Variants in ZC3H13 observed in about 807,000 individuals in gnomAD.
ZC3H13 encodes zinc finger CCCH domain-containing protein 13.
Under a neutral mutation model 204.1 loss-of-function variants are expected in ZC3H13, and 64 were observed. The ratio of observed to expected loss-of-function variants is 0.31; its 90% CI spans 0.26 to 0.39. The LOEUF (loss-of-function observed/expected upper bound fraction) is 0.39, where lower values mean the gene tolerates loss of function less well. Ranked by LOEUF, ZC3H13 falls within the 10% of genes least tolerant of loss-of-function variation. ZC3H13 has a pLI of 1.00. For missense variants in ZC3H13, 1,833 were observed against 2,082.7 expected (o/e 0.88, Z 2.33); for synonymous variants, 667 against 693.7 (o/e 0.96, Z 0.60).
At chr13:45,972,019 A>G (rs1297631827) in intron 12 of ZC3H13, among the ~76,000 whole-genome samples, 3 of 152,132 alleles carry the variant, frequency 2.0e-5, no homozygotes, top group South Asian at 2.1e-4. Flanking sequence ...TAGCATAGAC[A>G]TGGTGAAAAG....
intron 18 of ZC3H13, among the ~76,000 whole-genome samples, chr13:45,957,768 G>A (rs149094260): frequency 2.1e-3 from 323 of 152,212 alleles, no homozygotes; most frequent in African/African-American, 7.4e-3. Flanking sequence ...TTTTCCTTCT[G>A]TAAGCCAAAC....
intron 4 of ZC3H13, among the ~76,000 whole-genome samples, chr13:46,025,411 A>G (rs527256037): frequency 5.5e-4 from 84 of 152,212 alleles, no homozygotes; most frequent in African/African-American, 2.0e-3. Context: ...GGCTCAAGCA[A>G]TCCTCCTGCC....
intron 1 of ZC3H13, among the ~76,000 whole-genome samples, chr13:46,048,603 A>AC (rs2044171255): frequency 6.6e-6 from 1 of 151,072 alleles, no homozygotes; most frequent in Non-Finnish European, 1.5e-5. Context: ...AAAAAAAAAA[A>AC]AACTTTGAAG....
At chr13:45,961,953 A>G (rs1161902147) in intron 17 of ZC3H13, among the ~76,000 whole-genome samples, 1 of 152,230 alleles carries the variant, frequency 6.6e-6, no homozygotes, top group East Asian at 1.9e-4. Context: ...TTTCAATTTC[A>G]GTACACTTAT....
chr13:45,994,374 T>C (rs1309326893), intron 8 of ZC3H13, among the ~76,000 whole-genome samples: 1 of 152,238 alleles, frequency 6.6e-6, no homozygotes, highest in Non-Finnish European at 1.5e-5. Context: ...TACCCCTTCA[T>C]TGTTCAAGGG....
At chr13:45,962,738 T>G in intron 17 of ZC3H13, 1 of 985,082 alleles carries the variant, frequency 1.0e-6, no homozygotes, top group Non-Finnish European at 1.2e-6. Context: ...GTGAAAAATT[T>G]AATACTAACT....
chr13:45,961,153 T>C (rs1951653585), intron 17 of ZC3H13, among the ~76,000 whole-genome samples: 1 of 152,172 alleles, frequency 6.6e-6, no homozygotes, highest in African/African-American at 2.4e-5. Context: ...ATGATTCAGA[T>C]ATACCAATGT....
At chr13:45,963,591 TA>T in intron 17 of ZC3H13, 1 of 1,251,936 alleles carries the variant, frequency 8.0e-7, no homozygotes, top group Non-Finnish European at 1.0e-6. Flanking sequence ...CCTGGCCTGT[TA>T]ATAAGTAATT....
chr13:46,035,624 C>T (rs1262497917), intron 4 of ZC3H13, among the ~76,000 whole-genome samples: 1 of 152,216 alleles, frequency 6.6e-6, no homozygotes, highest in East Asian at 1.9e-4. Flanking sequence ...AAACAACACT[C>T]ATTTGATCTA....
intron 4 of ZC3H13, among the ~76,000 whole-genome samples, chr13:46,039,382 G>A (rs189506589): frequency 6.6e-6 from 1 of 152,138 alleles, no homozygotes; most frequent in African/African-American, 2.4e-5. Context: ...AAAAAGCTAA[G>A]TGCCATTTCA....
At chr13:46,014,633 G>C (rs1163787065) in intron 5 of ZC3H13, among the ~76,000 whole-genome samples, 1 of 152,038 alleles carries the variant, frequency 6.6e-6, no homozygotes, top group Non-Finnish European at 1.5e-5. Context: ...ACTTGTTTTT[G>C]AATTCCATTC....
At chr13:46,041,754 G>C (rs1004173521) in intron 4 of ZC3H13, among the ~76,000 whole-genome samples, 8 of 152,112 alleles carry the variant, frequency 5.3e-5, no homozygotes, top group African/African-American at 1.4e-4. Flanking sequence ...TTCTAGTGCA[G>C]TTTGTTAACC....
At chr13:45,963,702 AAAT>A (rs1323521134) in intron 17 of ZC3H13, 137 bp downstream of exon 17, 5 of 1,493,162 alleles carry the variant, frequency 3.3e-6, no homozygotes, top group Admixed American at 2.4e-5. Context: ...CATGAGGGTT[AAAT>A]AATGATTATA....
chr13:46,031,310 T>C (rs2042883074), intron 4 of ZC3H13, among the ~76,000 whole-genome samples: 1 of 151,984 alleles, frequency 6.6e-6, no homozygotes, highest in African/African-American at 2.4e-5. Flanking sequence ...GGATCATAGA[T>C]CTTAATGTAA....
chr13:46,018,374 T>C (rs1314158763), intron 5 of ZC3H13, among the ~76,000 whole-genome samples: 1 of 151,874 alleles, frequency 6.6e-6, no homozygotes, highest in African/African-American at 2.4e-5. Flanking sequence ...AGTTGTTAAG[T>C]GGGGATAAGC....
At chr13:46,050,708 T>G (rs2044341944) in intron 1 of ZC3H13, among the ~76,000 whole-genome samples, 1 of 152,148 alleles carries the variant, frequency 6.6e-6, no homozygotes, top group African/African-American at 2.4e-5. Context: ...TTCCGTAAAT[T>G]TAATGCTAAA....
At chr13:46,047,515 T>C (rs2044053614) in intron 1 of ZC3H13, among the ~76,000 whole-genome samples, 2 of 152,220 alleles carry the variant, frequency 1.3e-5, no homozygotes, top group African/African-American at 4.8e-5. Flanking sequence ...TGATTTAATT[T>C]TTCTTAGACT....
intron 7 of ZC3H13, among the ~76,000 whole-genome samples, chr13:46,007,566 G>A (rs888973060): frequency 1.3e-5 from 2 of 152,114 alleles, no homozygotes; most frequent in Non-Finnish European, 2.9e-5. Context: ...TCACAATCTG[G>A]ACTATTCTAA....
At position 45,985,609 on chromosome 13, in the gene ZC3H13, G is replaced by C; in HGVS notation, c.1408C>G (p.Leu470Val). ...TCCCGCATGTCTCTGGAGTCTCTTA[G>C]TTCCCTTCGGTCCCTAGTATCTCTG... ...DARDTRDRRE[L>V]RDSRDMRDSR... Residue 470 changes from leucine (L) to valine (V), a missense_variant, in exon 10 of 19, where the codon CTA becomes GTA. Leu to Val is a conservative substitution (Grantham distance 32). Around this residue, in one of 5 missense-constraint regions of ZC3H13, gnomAD observed 1,574 missense variants for 1,757.2 expected, o/e 0.90. Coordinates refer to ENST00000679008, the MANE Select transcript of ZC3H13 (RefSeq NM_001330564.2). The C allele has an allele frequency of 6.2e-7, 1 of 1,613,692 alleles. No individual in the cohort carries two copies. The highest frequency in any genetic ancestry group is 8.5e-7 in the Non-Finnish European group (1 of 1,179,974).
Sources: gnomAD v4.1 joint callset for allele counts (sites outside exome capture counted in the v4.1 genomes callset) on GRCh38, gnomAD v4.1.1 for gene constraint, gnomAD v4.1.1 regional missense constraint, MANE v1.5 for transcripts, NCBI Gene and HGNC (gene_info 2026-07-23, HGNC 2026-07-21) for gene names.